PLEKHA5: variants seen among roughly 807,000 people sequenced by gnomAD.
PLEKHA5 encodes the protein pleckstrin homology domain containing A5.
Under a neutral mutation model 181.9 loss-of-function variants are expected in PLEKHA5, and 55 were observed. The ratio of observed to expected loss-of-function variants is 0.30; its 90% CI spans 0.24 to 0.38. The LOEUF is 0.38. Ranked by LOEUF, PLEKHA5 falls within the 10% of genes least tolerant of loss-of-function variation. The pLI, the probability that PLEKHA5 is intolerant of heterozygous loss-of-function variation, is 1.00. For missense variants in PLEKHA5, 1,432 were observed against 1,549.5 expected (o/e 0.92, Z 1.27); for synonymous variants, 535 against 529.4 (o/e 1.01, Z -0.15).
At chr12:19,218,017 GC>G (rs1297162994) in intron 3 of PLEKHA5, among the ~76,000 whole-genome samples, 1 of 152,182 alleles carries the variant, frequency 6.6e-6, no homozygotes, top group African/African-American at 2.4e-5. Flanking sequence ...CTGGATGACT[GC>G]CTCAAGATTG....
chr12:19,226,951 G>GTTT (rs34692505), intron 3 of PLEKHA5, among the ~76,000 whole-genome samples: 8 of 151,044 alleles, frequency 5.3e-5, no homozygotes, highest in Non-Finnish European at 8.9e-5. Context: ...CAATTTTTAA[G>GTTT]TTTTTTTTTA....
At chr12:19,179,944 C>A (rs540954989) in intron 3 of PLEKHA5, among the ~76,000 whole-genome samples, 1 of 152,320 alleles carries the variant, frequency 6.6e-6, no homozygotes, top group African/African-American at 2.4e-5. Flanking sequence ...AAGATATCCT[C>A]CTGTCTCAGC....
chr12:19,352,492 T>C (rs2094652133), intron 25 of PLEKHA5, among the ~76,000 whole-genome samples: 1 of 151,840 alleles, frequency 6.6e-6, no homozygotes, highest in Non-Finnish European at 1.5e-5. Context: ...ATGATTTTTT[T>C]AAAGCCAAGC....
intron 26 of PLEKHA5, among the ~76,000 whole-genome samples, chr12:19,356,377 G>C (rs2094928652): frequency 6.6e-6 from 1 of 151,830 alleles, no homozygotes; most frequent in South Asian, 2.1e-4. Flanking sequence ...AAATTAGCCA[G>C]GCATGGTGGC....
At chr12:19,305,358 C>G (rs2082935541) in intron 15 of PLEKHA5, among the ~76,000 whole-genome samples, 1 of 151,086 alleles carries the variant, frequency 6.6e-6, no homozygotes, top group South Asian at 2.1e-4. Context: ...GTCGGGAGTT[C>G]AAGACCAGCC....
intron 3 of PLEKHA5, among the ~76,000 whole-genome samples, chr12:19,190,833 A>G (rs1243116727): frequency 6.6e-6 from 1 of 152,218 alleles, no homozygotes; most frequent in Non-Finnish European, 1.5e-5. Flanking sequence ...GAAAAAAGCA[A>G]CTGAGCCAGA....
At position 19,333,960 on chromosome 12, in the gene PLEKHA5, A is replaced by G. The variant is rs147694107; in HGVS notation, c.2449-2555A>G. ...CTGGCATTCTCTACTTTTTATTGAA[A>G]GCACTATTTTGTGGCAAGTACTTGA... On this transcript the variant is annotated intron_variant, in intron 20 of 31. Transcript: ENST00000429027. Among the ~76,000 whole-genome samples the G allele has an allele frequency of 2.9e-3, 442 of 152,260 alleles. 2 individuals carry two copies. Among genetic ancestry groups the G allele is most frequent in the Non-Finnish European group, 3.6e-3 (244 of 68,010 alleles).
intron 3 of PLEKHA5, among the ~76,000 whole-genome samples, chr12:19,170,314 G>A (rs2045596748): frequency 6.6e-6 from 1 of 152,110 alleles, no homozygotes; most frequent in South Asian, 2.1e-4. Flanking sequence ...CTTGAGTACT[G>A]ATGTTTCCGC....
chr12:19,194,812 G>C (rs2052234709), intron 3 of PLEKHA5, among the ~76,000 whole-genome samples: 1 of 152,146 alleles, frequency 6.6e-6, no homozygotes, highest in Non-Finnish European at 1.5e-5. Flanking sequence ...TACATTTCTA[G>C]TAGTACCACC....
At chr12:19,362,485 G>A (rs1304201089) in intron 29 of PLEKHA5, among the ~76,000 whole-genome samples, 3 of 151,840 alleles carry the variant, frequency 2.0e-5, no homozygotes, top group Non-Finnish European at 4.4e-5. Context: ...AGTGAGCCAA[G>A]ATCACACCAC....
At chr12:19,266,815 G>A (rs566419406) in intron 8 of PLEKHA5, among the ~76,000 whole-genome samples, 1 of 152,082 alleles carries the variant, frequency 6.6e-6, no homozygotes, top group East Asian at 1.9e-4. Flanking sequence ...TGGAGGAAGA[G>A]TACTATAAGA....
chr12:19,364,793 G>A (rs2095372149), intron 29 of PLEKHA5, among the ~76,000 whole-genome samples: 1 of 151,792 alleles, frequency 6.6e-6, no homozygotes, highest in African/African-American at 2.4e-5. Context: ...AGCCTCCCAA[G>A]TAGCTGGGTT....
At chr12:19,140,626 T>C (rs1377007199) in intron 3 of PLEKHA5, among the ~76,000 whole-genome samples, 1 of 152,162 alleles carries the variant, frequency 6.6e-6, no homozygotes, top group East Asian at 1.9e-4. Flanking sequence ...AATAGACAAT[T>C]AGGTGTTTGA....
intron 8 of PLEKHA5, among the ~76,000 whole-genome samples, chr12:19,268,116 T>C (rs2071159930): frequency 6.6e-6 from 1 of 152,168 alleles, no homozygotes; most frequent in Non-Finnish European, 1.5e-5. Context: ...ATAGTTAAAT[T>C]AACTTTATCA....
intron 3 of PLEKHA5, chr12:19,151,290 TAAGA>T (rs2040328458): frequency 6.6e-6 from 1 of 152,224 alleles, no homozygotes; most frequent in African/African-American, 2.4e-5. Context: ...GTTAAATTTG[TAAGA>T]TAGAAGGTGG....
At chr12:19,334,199 T>C (rs984014680) in intron 20 of PLEKHA5, among the ~76,000 whole-genome samples, 3 of 152,180 alleles carry the variant, frequency 2.0e-5, no homozygotes, top group Non-Finnish European at 4.4e-5. Context: ...CTCTGTTGTC[T>C]TGTGTTCCTA....
chr12:19,292,765 A>G (rs2078797465), intron 15 of PLEKHA5, among the ~76,000 whole-genome samples: 1 of 151,978 alleles, frequency 6.6e-6, no homozygotes, highest in Non-Finnish European at 1.5e-5. Context: ...GTGGCGAAAC[A>G]CCGTCTCTAC....
At chr12:19,133,057 GT>G (rs2034494362) in intron 3 of PLEKHA5, among the ~76,000 whole-genome samples, 1 of 151,250 alleles carries the variant, frequency 6.6e-6, no homozygotes, top group African/African-American at 2.4e-5. Context: ...AATAGAAATA[GT>G]TACTGAATAT....
intron 18 of PLEKHA5, among the ~76,000 whole-genome samples, chr12:19,321,128 T>C (rs1295151637): frequency 1.3e-5 from 2 of 150,656 alleles, no homozygotes; most frequent in Non-Finnish European, 2.9e-5. Context: ...ATCATTCCAC[T>C]GCACTCTAGC....
Sources: gnomAD v4.1 joint callset for allele counts (sites outside exome capture counted in the v4.1 genomes callset) on GRCh38, gnomAD v4.1.1 for gene constraint, MANE v1.5 for transcripts, NCBI Gene and HGNC (gene_info 2026-07-23, HGNC 2026-07-21) for gene names.